Variants in NCALD observed in about 807,000 individuals in gnomAD.
NCALD encodes the protein neurocalcin-delta.
In NCALD, 10 loss-of-function variants were observed where a neutral mutation model predicts 18.6. The observed-to-expected ratio is 0.54, with a 90% CI of 0.33 to 0.91. NCALD has a LOEUF of 0.91. NCALD is among the 40% of genes least tolerant of loss of function. NCALD has a pLI of 0.03. For missense variants in NCALD, 184 were observed against 247.6 expected (o/e 0.74, Z 1.72); for synonymous variants, 88 against 87.4 (o/e 1.01, Z -0.04).
At chr8:101,872,381 C>A in intron 4 of NCALD, 1 of 1,523,764 alleles carries the variant, frequency 6.6e-7, no homozygotes, top group Non-Finnish European at 9.1e-7. Flanking sequence ...TCATGATCCT[C>A]CAGCTCTTCC....
In NCALD at chr8:102,109,553, T is replaced by C. The variant is rs1234175099; in HGVS notation, c.-210+14684A>G. Among the ~76,000 whole-genome samples the C allele has an allele frequency of 5.9e-5, 9 of 152,286 alleles. No homozygotes were observed. In the East Asian group the frequency reaches 1.7e-3, roughly 29 times the overall value. ...AGTGGAATAAATTTCAGGGAAACAT[T>C]TGCCCACTCGCCAGTGTCAAACTAT... is the stretch of plus-strand genomic sequence containing the variant. On this transcript the variant is annotated intron_variant, in intron 1 of 6. Transcript: ENST00000311028.
intron 3 of NCALD, among the ~76,000 whole-genome samples, chr8:101,904,980 C>A (rs1043599711): frequency 4.6e-5 from 7 of 152,088 alleles, no homozygotes; most frequent in African/African-American, 1.4e-4. Flanking sequence ...TCAAAGGTGG[C>A]CACATTTAGC....
chr8:101,712,619 G>A (rs1815861110), intron 2 of NCALD, among the ~76,000 whole-genome samples: 1 of 138,658 alleles, frequency 7.2e-6, no homozygotes, highest in Non-Finnish European at 1.5e-5. Context: ...AAATAGCAGA[G>A]GTTGCAATCC....
intron 4 of NCALD, among the ~76,000 whole-genome samples, chr8:101,860,563 TA>T (rs1454577431): frequency 6.6e-6 from 1 of 152,126 alleles, no homozygotes; most frequent in Non-Finnish European, 1.5e-5. Flanking sequence ...TCCAGGAGAA[TA>T]AAAAAGTTGT....
At chr8:102,102,494 G>A (rs556363344) in intron 1 of NCALD, among the ~76,000 whole-genome samples, 1 of 152,138 alleles carries the variant, frequency 6.6e-6, no homozygotes, top group Non-Finnish European at 1.5e-5. Flanking sequence ...GCAGTCTTCC[G>A]CCTTCAGATT....
At chr8:101,758,675 G>A (rs1439960817) in intron 1 of NCALD, among the ~76,000 whole-genome samples, 3 of 151,936 alleles carry the variant, frequency 2.0e-5, no homozygotes, top group African/African-American at 4.8e-5. Flanking sequence ...CATACCTCTC[G>A]GACCTGTCTA....
chr8:101,969,937 GCA>G (rs1187511778), intron 2 of NCALD, among the ~76,000 whole-genome samples: 2 of 146,214 alleles, frequency 1.4e-5, no homozygotes, highest in East Asian at 1.9e-4. Context: ...GTGTGTGTGT[GCA>G]CACACATGTG....
intron 1 of NCALD, among the ~76,000 whole-genome samples, chr8:102,070,581 T>C (rs551913874): frequency 6.6e-6 from 1 of 152,364 alleles, no homozygotes; most frequent in Non-Finnish European, 1.5e-5. Flanking sequence ...TGTTTAAATG[T>C]CTAACAGCAT....
chr8:101,803,051 G>A (rs1387442260), intron 4 of NCALD, among the ~76,000 whole-genome samples: 1 of 152,150 alleles, frequency 6.6e-6, no homozygotes, highest in Non-Finnish European at 1.5e-5. Context: ...CCTCTGATTG[G>A]AAGAAGATGC....
At chr8:102,097,656 A>G (rs1490798347) in intron 1 of NCALD, among the ~76,000 whole-genome samples, 1 of 152,164 alleles carries the variant, frequency 6.6e-6, no homozygotes, top group African/African-American at 2.4e-5. Context: ...AATCATCAAT[A>G]ACCTCTTTTC....
intron 1 of NCALD, among the ~76,000 whole-genome samples, chr8:101,759,807 A>G (rs189616063): frequency 4.3e-4 from 65 of 152,318 alleles, no homozygotes; most frequent in Non-Finnish European, 7.1e-4. Flanking sequence ...CGAGAGTAGT[A>G]ACATCTGTCA....
intron 4 of NCALD, among the ~76,000 whole-genome samples, chr8:101,820,688 AT>A (rs1319581252): frequency 6.6e-6 from 1 of 152,228 alleles, no homozygotes; most frequent in African/African-American, 2.4e-5. Context: ...TGTAAAAAAA[AT>A]TCTGGCTCCG....
intron 1 of NCALD, among the ~76,000 whole-genome samples, chr8:102,051,211 G>C (rs1460270436): frequency 1.3e-5 from 2 of 152,078 alleles, no homozygotes; most frequent in East Asian, 3.9e-4. Flanking sequence ...CCAGGTGCTA[G>C]GTTTGGATCC....
intron 1 of NCALD, among the ~76,000 whole-genome samples, chr8:101,723,322 A>G (rs1816443764): frequency 6.6e-6 from 1 of 152,182 alleles, no homozygotes; most frequent in African/African-American, 2.4e-5. Flanking sequence ...CTTTTCAGGT[A>G]TCAGAGACTT....
chr8:101,689,478 G>A lies in NCALD; in HGVS notation c.485-72C>T, dbSNP rs950631579. ...GAGCTTACACCCTTCCCACTACTGC[G>A]TGCTGGGCAGTGTCGATTCACCTGC... On this transcript the variant is annotated intron_variant, in intron 3 of 3. Transcript: ENST00000220931. This position sits in a 1 kb window ranked among gnomAD's most constrained non-coding sequence, Gnocchi z 4.4. The A allele has an allele frequency of 1.7e-5, 20 of 1,181,762 alleles. No individual in the cohort carries two copies. In the African/African-American group the frequency reaches 1.8e-4, roughly 11 times the overall value. The allele number at this position is 1,181,762 out of a possible 1,614,324, so 73.2% of individuals were successfully genotyped here.
intron 4 of NCALD, among the ~76,000 whole-genome samples, chr8:101,822,641 G>T (rs921758131): frequency 6.6e-6 from 1 of 152,206 alleles, no homozygotes; most frequent in African/African-American, 2.4e-5. Flanking sequence ...CTCCTGTGGT[G>T]CTGGCTGTTA....
At chr8:102,083,712 T>C (rs902214922) in intron 1 of NCALD, among the ~76,000 whole-genome samples, 4 of 152,188 alleles carry the variant, frequency 2.6e-5, no homozygotes, top group Non-Finnish European at 5.9e-5. Context: ...TTACATTAAC[T>C]CTTTCATTGC....
chr8:101,692,941 G>A, intron 2 of NCALD, 45 bp from the exon 3 acceptor site: 5 of 1,376,856 alleles, frequency 3.6e-6, no homozygotes, highest in Non-Finnish European at 5.2e-6. Context: ...AAACAGTATG[G>A]CACACAATAG....
intron 1 of NCALD, among the ~76,000 whole-genome samples, chr8:102,025,989 T>A (rs140578753): frequency 6.6e-6 from 1 of 152,160 alleles, no homozygotes; most frequent in East Asian, 1.9e-4. Flanking sequence ...GAAGGAGAAG[T>A]ATGAGCAAAA....
Sources: allele counts gnomAD v4.1 joint callset (sites outside exome capture counted in the v4.1 genomes callset), GRCh38; gene constraint gnomAD v4.1.1; non-coding constraint Gnocchi (gnomAD v3.1); transcripts MANE v1.5; gene names NCBI Gene and HGNC (gene_info 2026-07-23, HGNC 2026-07-21).